CEP170: variants seen among roughly 807,000 people sequenced by gnomAD.
The protein encoded by CEP170 is centrosomal protein 170.
Under a neutral mutation model 151.9 loss-of-function variants are expected in CEP170, and 21 were observed. That is an observed-to-expected ratio of 0.14 (90% CI 0.10 to 0.20). CEP170 has a LOEUF of 0.20. Ranked by LOEUF, CEP170 falls within the 10% of genes least tolerant of loss-of-function variation. The pLI is 1.00. For synonymous variants in CEP170, 356 were observed against 648.8 expected, an observed-to-expected ratio of 0.55 and a Z score of 6.86; for missense variants, 964 against 1,892.9, an observed-to-expected ratio of 0.51 and a Z score of 9.11.
At chr1:243,221,688 T>C (rs1215686777) in intron 3 of CEP170, 36 bp downstream of exon 3, 1 of 1,548,536 alleles carries the variant, frequency 6.5e-7, no homozygotes, top group African/African-American at 1.4e-5. Flanking sequence ...ATTAAACAAA[T>C]GTTCAAACAA....
intron 1 of CEP170, among the ~76,000 whole-genome samples, chr1:243,248,039 C>T (rs943625105): frequency 2.0e-5 from 3 of 152,218 alleles, no homozygotes; most frequent in Non-Finnish European, 2.9e-5. Flanking sequence ...TACTCATCCA[C>T]GTAGGAAACA....
chr1:243,250,373 G>A (rs1016227843), intron 1 of CEP170, among the ~76,000 whole-genome samples: 1 of 152,182 alleles, frequency 6.6e-6, no homozygotes, highest in African/African-American at 2.4e-5. Context: ...CTATAGCTAC[G>A]TTCACGGAGA....
intron 6 of CEP170, among the ~76,000 whole-genome samples, chr1:243,199,913 C>T (rs888446631): frequency 2.0e-5 from 3 of 151,652 alleles, no homozygotes; most frequent in Non-Finnish European, 2.9e-5. Flanking sequence ...GAAGAAAATG[C>T]AGACAAACAT....
intron 3 of CEP170, among the ~76,000 whole-genome samples, chr1:243,212,497 G>A (rs1364847070): frequency 1.3e-5 from 2 of 152,008 alleles, no homozygotes; most frequent in South Asian, 2.1e-4. Context: ...TACATTATAA[G>A]GTTTCAGTGA....
chr1:243,171,246 T>C (rs1474863376), intron 11 of CEP170, among the ~76,000 whole-genome samples: 2 of 152,098 alleles, frequency 1.3e-5, no homozygotes, highest in South Asian at 4.1e-4. Context: ...GAAACCAGAA[T>C]AAAAATTCTC....
intron 4 of CEP170, among the ~76,000 whole-genome samples, chr1:243,201,895 G>A (rs2061062877): frequency 1.3e-5 from 2 of 151,978 alleles, no homozygotes; most frequent in Non-Finnish European, 1.5e-5. Flanking sequence ...AATCTACATT[G>A]CTTTTTCCTA....
At position 243,126,323 on chromosome 1, in the gene CEP170, T is replaced by G; in HGVS notation, c.*126A>C. The G allele has an allele frequency of 1.0e-6, 1 of 954,178 alleles. No individual in the cohort carries two copies. The highest frequency in any genetic ancestry group is 1.6e-6 in the Non-Finnish European group (1 of 621,422). 59.1% of individuals were successfully genotyped at this position (954,178 alleles called of 1,614,324 possible). On this transcript the variant is annotated 3_prime_UTR_variant, in exon 20 of 20. Coordinates refer to ENST00000366542, the MANE Select transcript of CEP170 (RefSeq NM_014812.3). The stretch of plus-strand genomic sequence containing the variant: ...TACGTCAAAAATAAATAAATAAAAT[T>G]AAGAAGACAGGGATTCCAAGATTGT...
At chr1:243,144,953 T>A in intron 14 of CEP170, among the ~76,000 whole-genome samples, 1 of 152,114 alleles carries the variant, frequency 6.6e-6, no homozygotes, top group Non-Finnish European at 1.5e-5. Context: ...TAAGTATGCA[T>A]TACTTAAGAA....
In CEP170 at chr1:243,255,200, C is replaced by T. The variant is rs1219269966; in HGVS notation, c.-202G>A. 1 of 152,880 alleles carries T rather than the reference C, an allele frequency of 6.5e-6. No individual in the cohort carries two copies. Among genetic ancestry groups the T allele is most frequent in the East Asian group, 1.9e-4 (1 of 5,200 alleles). 9.5% of individuals were successfully genotyped at this position (152,880 alleles called of 1,614,324 possible). On this transcript the variant is annotated 5_prime_UTR_variant, in exon 1 of 20. Transcript: ENST00000366542. Reference sequence around the variant, plus strand: ...CTCCGGGGCCCTCAGCTCCGCTGGGCAATAACGTTATTCCACACACGCCCC... The same window carrying T: ...CTCCGGGGCCCTCAGCTCCGCTGGGTAATAACGTTATTCCACACACGCCCC...
chr1:243,152,793 A>G (rs1382325204), intron 14 of CEP170, among the ~76,000 whole-genome samples: 1 of 151,986 alleles, frequency 6.6e-6, no homozygotes, highest in Admixed American at 6.6e-5. Context: ...GGCCTCCCAA[A>G]GTGCTGGGAT....
chr1:243,200,409 CA>C, intron 6 of CEP170, 108 bp downstream of exon 6: 2 of 1,204,192 alleles, frequency 1.7e-6, no homozygotes, highest in Non-Finnish European at 2.3e-6. Flanking sequence ...CTGAAATTAT[CA>C]CTATTATAAA....
Position 243,232,551 on chromosome 1 carries a change from G to A in CEP170, c.-41-7230C>T, listed in dbSNP as rs541439477. The stretch of plus-strand genomic sequence containing the variant: ...AGTATTAATAATTCTATACTGTAAC[G>A]ATATGATTACACCTCAAGTTGATGA... On this transcript the variant is annotated intron_variant, in intron 1 of 19. Coordinates refer to ENST00000366542, the MANE Select transcript of CEP170 (RefSeq NM_014812.3). 6.6e-5 allele frequency among the ~76,000 whole-genome samples: 10 copies of A among 152,076 alleles called. No homozygotes were observed. In the South Asian group the frequency reaches 8.3e-4, roughly 13 times the overall value.
Position 243,165,905 on chromosome 1 carries a change from C to A in CEP170, c.2055G>T (p.Gln685His), listed in dbSNP as rs771103694. The A allele has an allele frequency of 4.3e-6, 7 of 1,613,694 alleles. No individual in the cohort carries two copies. In the Admixed American group the frequency reaches 8.3e-5, roughly 19 times the overall value. Residue 685 changes from glutamine to histidine, a missense_variant, in exon 13 of 20, where the codon CAG becomes CAT. By Grantham distance (24) the Gln-to-His change is conservative. Coordinates refer to ENST00000366542, the MANE Select transcript of CEP170 (RefSeq NM_014812.3). ...CATCTTGTTTATCTTTCTGGTATAC[C>A]TGTGTAGGTGTTTCTTTCTCCTGAA... is the stretch of plus-strand genomic sequence containing the variant. ...TELQEKETPT[Q>H]VYQKDKQDAD...
At chr1:243,130,076 GAAC>G (rs771428458) in intron 17 of CEP170, among the ~76,000 whole-genome samples, 2 of 152,042 alleles carry the variant, frequency 1.3e-5, no homozygotes, top group African/African-American at 4.8e-5. Flanking sequence ...GGGTATCTTG[GAAC>G]AACATGTATC....
At chr1:243,210,608 A>ATTTTTTTTTTTTTTTTTTTTT (rs751388751) in intron 4 of CEP170, among the ~76,000 whole-genome samples, 2 of 67,942 alleles carry the variant, frequency 2.9e-5, no homozygotes, top group Non-Finnish European at 2.5e-5. Flanking sequence ...ATTTTTCGTA[A>ATTTTTTTTTTTTTTTTTTTTT]TTTTTTTTTT....
In CEP170 at chr1:243,172,860, T is replaced by A. The variant is rs1169761370; in HGVS notation, c.1567-14A>T. 8 of 1,526,876 alleles carry A rather than the reference T, an allele frequency of 5.2e-6. No individual in the cohort carries two copies. Among genetic ancestry groups the A allele is most frequent in the Non-Finnish European group, 6.1e-6 (7 of 1,140,086 alleles). 94.6% of individuals were successfully genotyped at this position (1,526,876 alleles called of 1,614,324 possible). On this transcript the variant is annotated splice_polypyrimidine_tract_variant and intron_variant, in intron 10 of 19. Coordinates refer to ENST00000366542, the MANE Select transcript of CEP170 (RefSeq NM_014812.3). The stretch of plus-strand genomic sequence containing the variant: ...TACTCCAAACACCTAGAGGGAAAAA[T>A]TATTTTATAAATGAAAACGAAAAGT...
At chr1:243,226,768 T>A (rs548648720) in intron 1 of CEP170, among the ~76,000 whole-genome samples, 2 of 152,130 alleles carry the variant, frequency 1.3e-5, no homozygotes, top group Non-Finnish European at 2.9e-5. Flanking sequence ...GGCGGGCAGA[T>A]CACCTGAGGT....
chr1:243,187,099 A>G (rs1327945198), intron 8 of CEP170, among the ~76,000 whole-genome samples: 1 of 152,248 alleles, frequency 6.6e-6, no homozygotes, highest in East Asian at 1.9e-4. Flanking sequence ...TGAGAGGTCT[A>G]TCAATGCAAA....
In CEP170 at chr1:243,129,365, T is replaced by A; in HGVS notation, c.4408A>T (p.Ser1470Cys). 2 of 1,590,186 alleles carry A rather than the reference T, an allele frequency of 1.3e-6. No homozygotes were observed. Among genetic ancestry groups the A allele is most frequent in the Non-Finnish European group, 1.7e-6 (2 of 1,167,538 alleles). Reference sequence around the variant, plus strand: ...TTCAAGAAAAATTACTATACCATGCTTGAGGTTTTCACAATAGGGACTTCA... The same window carrying A: ...TTCAAGAAAAATTACTATACCATGCATGAGGTTTTCACAATAGGGACTTCA... ...ESEVPIVKTS[S>C]MEISSILQEL... Residue 1470 changes from serine to cysteine, a missense_variant, in exon 18 of 20, where the codon AGC (serine) becomes TGC (cysteine). Ser to Cys is a moderately radical substitution (Grantham distance 112). Coordinates refer to ENST00000366542, the MANE Select transcript of CEP170 (RefSeq NM_014812.3).
Sources: allele counts gnomAD v4.1 joint callset (sites outside exome capture counted in the v4.1 genomes callset), GRCh38; gene constraint gnomAD v4.1.1; transcripts MANE v1.5; gene names NCBI Gene and HGNC (gene_info 2026-07-23, HGNC 2026-07-21).